IVNS1ABP: variants seen among roughly 807,000 people sequenced by gnomAD.
The protein encoded by IVNS1ABP is influenza virus NS1A-binding protein.
In IVNS1ABP, 25 loss-of-function variants were observed where a neutral mutation model predicts 78.9. That is an observed-to-expected ratio of 0.32 (90% confidence interval 0.23 to 0.44). The LOEUF (loss-of-function observed/expected upper bound fraction) is 0.44, where lower values mean the gene tolerates loss of function less well. IVNS1ABP is among the 20% of genes least tolerant of loss of function. The pLI, the probability that IVNS1ABP is intolerant of heterozygous loss-of-function variation, is 1.00. For missense variants in IVNS1ABP, 494 were observed against 768.9 expected (o/e 0.64, Z 4.23); for synonymous variants, 241 against 259.7 (o/e 0.93, Z 0.69).
chr1:185,300,824 G>A, intron 10 of IVNS1ABP, 148 bp downstream of exon 10: 1 of 698,632 alleles, frequency 1.4e-6, no homozygotes, highest in Non-Finnish European at 2.4e-6. Flanking sequence ...ACATTGAACT[G>A]AAGGTTAGCC....
In IVNS1ABP at chr1:185,298,344, C is replaced by T; in HGVS notation, c.1676-56G>A. The T allele has an allele frequency of 6.7e-7, 1 of 1,501,788 alleles. No individual in the cohort carries two copies. The highest frequency in any genetic ancestry group is 9.1e-7 in the Non-Finnish European group (1 of 1,097,640). 93.0% of individuals were successfully genotyped at this position (1,501,788 alleles called of 1,614,324 possible). A position where few individuals can be genotyped will look rare whatever the true frequency, so the allele number is the denominator to read the frequency against. On this transcript the variant is annotated intron_variant, in intron 14 of 14. Coordinates refer to ENST00000367498, the MANE Select transcript of IVNS1ABP (RefSeq NM_006469.5). This position sits in a 1 kb window ranked among gnomAD's most constrained non-coding sequence, Gnocchi z 4.1. ...GAGATTAAAGTGTAATAAGGTAAAACTCCCCTAAATCTGTCTTTTGCTTAA... is the reference window on the plus strand; with the variant it reads ...GAGATTAAAGTGTAATAAGGTAAAATTCCCCTAAATCTGTCTTTTGCTTAA...
In IVNS1ABP at chr1:185,298,150, C is replaced by T. The variant is rs1665471814; in HGVS notation, c.1814G>A (p.Gly605Glu). The part of the protein sequence containing the change: ...PRSNAGIATV[G>E]NTIYAVGGFD... Reference sequence around the variant, plus strand: ...TCCTCCCACTGCATAAATGGTGTTCCCTACAGTTGCAATCCCAGCATTGCT... The same window carrying T: ...TCCTCCCACTGCATAAATGGTGTTCTCTACAGTTGCAATCCCAGCATTGCT... The change falls in exon 15 of 15, where the codon GGG becomes GAG. Residue 605 changes from glycine (G) to glutamate (E), a missense_variant. Transcript: ENST00000367498. The surrounding 1 kb of genome is among the most constrained non-coding windows in gnomAD (Gnocchi z 4.1). 6.2e-7 allele frequency: 1 copy of T among 1,613,856 alleles called. No individual in the cohort carries two copies. The highest frequency in any genetic ancestry group is 8.5e-7 in the Non-Finnish European group (1 of 1,179,840).
Position 185,317,216 on chromosome 1 carries a change from C to T in IVNS1ABP, c.-510G>A, listed in dbSNP as rs1207106824. On this transcript the variant is annotated 5_prime_UTR_variant, in exon 1 of 15. Transcript: ENST00000367498. ...ACTGCGCCCAGCAGCTCTGAGCGAC[C>T]GACCTCCACGCGCGACCGGGAGACA... 3 of 398,298 alleles carry T rather than the reference C, an allele frequency of 7.5e-6. No homozygotes were observed. The highest frequency in any genetic ancestry group is 1.3e-5 in the Non-Finnish European group (3 of 225,954). 24.7% of individuals were successfully genotyped at this position (398,298 alleles called of 1,614,324 possible). A position where few individuals can be genotyped will look rare whatever the true frequency, so the allele number is the denominator to read the frequency against.
Position 185,297,952 on chromosome 1 carries a change from C to T in IVNS1ABP, c.*83G>A. ...TTGCTGTTAGCAACATCTATACCCA[C>T]CCACCCTCTTTATTCACAAGTGTAC... On this transcript the variant is annotated 3_prime_UTR_variant, in exon 15 of 15. Transcript: ENST00000367498. The T allele has an allele frequency of 7.3e-7, 1 of 1,370,020 alleles. No individual in the cohort carries two copies. Among genetic ancestry groups the T allele is most frequent in the Non-Finnish European group, 1.0e-6 (1 of 987,550 alleles). The allele number at this position is 1,370,020 out of a possible 1,614,324, so 84.9% of individuals were successfully genotyped here.
rs767695148 is a variant in IVNS1ABP, at chr1:185,299,849, A to G, written c.1536T>C (p.Gly512=). 1.2e-6 allele frequency: 2 copies of G among 1,613,764 alleles called. No individual in the cohort carries two copies. The highest frequency in any genetic ancestry group is 1.7e-6 in the Non-Finnish European group (2 of 1,179,828). The change falls in exon 14 of 15, where the codon GGT becomes GGC. Residue 512 remains glycine, a synonymous_variant. Coordinates refer to ENST00000367498, the MANE Select transcript of IVNS1ABP (RefSeq NM_006469.5). ...RHQSAVCELG[G]YLYIIGGAES... is the part of the protein sequence containing the mutation. ...CTGCACCTCCGATTATGTACAAATAACCACCAAGCTCACAGACTGCAGACT... is the reference window on the plus strand; with the variant it reads ...CTGCACCTCCGATTATGTACAAATAGCCACCAAGCTCACAGACTGCAGACT...
In IVNS1ABP at chr1:185,305,476, G is replaced by C; in HGVS notation, c.765+60C>G. ...CTTTATTAAAGGAAAATTTAAGTAT[G>C]CTATCAAATTCTCTAGTCAAATTTT... On this transcript the variant is annotated intron_variant, in intron 8 of 14. Transcript: ENST00000367498. The surrounding 1 kb of genome is among the most constrained non-coding windows in gnomAD (Gnocchi z 4.0). 6.3e-7 allele frequency: 1 copy of C among 1,580,390 alleles called. No homozygotes were observed. Among genetic ancestry groups the C allele is most frequent in the Non-Finnish European group, 8.6e-7 (1 of 1,158,292 alleles).
intron 2 of IVNS1ABP, 34 bp downstream of exon 2, chr1:185,311,061 T>G (rs981849901): frequency 2.8e-6 from 1 of 351,386 alleles, no homozygotes; most frequent in African/African-American, 2.1e-5. Context: ...ACAATGTGTC[T>G]TAATACTGGA....
intron 3 of IVNS1ABP, 44 bp downstream of exon 3, chr1:185,309,339 T>C (rs545298463): frequency 3.7e-6 from 5 of 1,368,308 alleles, no homozygotes; most frequent in South Asian, 2.6e-5. Context: ...TTATGGCTTT[T>C]AGTAATAAAA....
Position 185,305,745 on chromosome 1 carries a change from C to A in IVNS1ABP, c.658-102G>T. The A allele has an allele frequency of 8.1e-7, 1 of 1,237,498 alleles. No individual in the cohort carries two copies. Among genetic ancestry groups the A allele is most frequent in the South Asian group, 1.4e-5 (1 of 69,182 alleles). The allele number at this position is 1,237,498 out of a possible 1,614,324, so 76.7% of individuals were successfully genotyped here. A position where few individuals can be genotyped will look rare whatever the true frequency, so the allele number is the denominator to read the frequency against. ...CCTCAAGGTAACCTCCAGTGTGCTT[C>A]TTGAGCTTCTTGACATATTACTCTG... is the stretch of plus-strand genomic sequence containing the variant. On this transcript the variant is annotated intron_variant, in intron 7 of 14. Transcript: ENST00000367498. The surrounding 1 kb of genome is among the most constrained non-coding windows in gnomAD (Gnocchi z 4.0).
rs1558119665 is a variant in IVNS1ABP, at chr1:185,311,363, CAA to C, written c.-246-43_-246-42del. On this transcript the variant is annotated intron_variant, in intron 1 of 14. Coordinates refer to ENST00000367498, the MANE Select transcript of IVNS1ABP (RefSeq NM_006469.5). ...ATTTAAGTTAGATATTCAGAATAAT[CAA>C]AGACTGTCATTGATCTAGGTAGAGC... 3 of 395,230 alleles carry C rather than the reference CAA, an allele frequency of 7.6e-6. No homozygotes were observed. In the South Asian group the frequency reaches 3.9e-4, roughly 51 times the overall value. The allele number at this position is 395,230 out of a possible 1,614,324, so 24.5% of individuals were successfully genotyped here. A position where few individuals can be genotyped will look rare whatever the true frequency, so the allele number is the denominator to read the frequency against.
intron 8 of IVNS1ABP, among the ~76,000 whole-genome samples, chr1:185,304,023 G>A (rs180870716): frequency 1.5e-3 from 232 of 152,140 alleles, no homozygotes; most frequent in African/African-American, 5.4e-3. Context: ...AATTCCAAGA[G>A]TATCATCCTC....
Position 185,311,270 on chromosome 1 carries a change from G to A in IVNS1ABP, c.-194C>T, listed in dbSNP as rs1665879412. The A allele has an allele frequency of 5.0e-6, 2 of 397,780 alleles. No homozygotes were observed. Among genetic ancestry groups the A allele is most frequent in the Non-Finnish European group, 8.9e-6 (2 of 225,568 alleles). 24.6% of individuals were successfully genotyped at this position (397,780 alleles called of 1,614,324 possible). On this transcript the variant is annotated 5_prime_UTR_variant, in exon 2 of 15. Transcript: ENST00000367498. ...TCAGGCTTGAAAATGATGTAATCAA[G>A]TCCTTAAAAGCTATAGACACGAATT... is the stretch of plus-strand genomic sequence containing the variant.
intron 2 of IVNS1ABP, among the ~76,000 whole-genome samples, chr1:185,310,368 G>A (rs1336730201): frequency 1.2e-4 from 18 of 152,188 alleles, no homozygotes; most frequent in Non-Finnish European, 8.8e-5. Flanking sequence ...AGCACTTTGG[G>A]AGGCCGAGAC....
chr1:185,300,937 T>TA, intron 10 of IVNS1ABP, 35 bp downstream of exon 10: 1 of 1,555,280 alleles, frequency 6.4e-7, no homozygotes, highest in South Asian at 1.1e-5. Flanking sequence ...AATGCCCATC[T>TA]ACATGCTTAG....
chr1:185,308,761 A>G, intron 5 of IVNS1ABP, 39 bp downstream of exon 5: 1 of 1,430,808 alleles, frequency 7.0e-7, no homozygotes. Context: ...ACACAAAATA[A>G]GACTCCATAA....
At chr1:185,302,042 C>G (rs1487194084) in intron 8 of IVNS1ABP, among the ~76,000 whole-genome samples, 2 of 152,098 alleles carry the variant, frequency 1.3e-5, no homozygotes, top group Non-Finnish European at 2.9e-5. Context: ...TAGATTCATC[C>G]AGTTTCTCTG....
In IVNS1ABP at chr1:185,301,884, A is replaced by G. The variant is rs147353549; in HGVS notation, c.766-321T>C. On this transcript the variant is annotated intron_variant, in intron 8 of 14. Transcript: ENST00000367498. The stretch of plus-strand genomic sequence containing the variant: ...CTATAATTATTTTTATATTAAGTAT[A>G]GAATCTTTTAAAAGAATGCTATAAA... 4.1e-4 allele frequency among the ~76,000 whole-genome samples: 63 copies of G among 152,322 alleles called. 1 individual carries two copies. Among genetic ancestry groups the G allele is most frequent in the African/African-American group, 1.4e-3 (58 of 41,586 alleles).
At chr1:185,312,531 A>G (rs1265089224) in intron 1 of IVNS1ABP, among the ~76,000 whole-genome samples, 2 of 152,182 alleles carry the variant, frequency 1.3e-5, no homozygotes, top group Admixed American at 6.5e-5. Context: ...CAACAAACCT[A>G]CTATGTTTAG....
At position 185,300,199 on chromosome 1, in the gene IVNS1ABP, G is replaced by A. The variant is rs1245369308; in HGVS notation, c.1369+18C>T. The A allele has an allele frequency of 6.2e-7, 1 of 1,611,218 alleles. No homozygotes were observed. Among genetic ancestry groups the A allele is most frequent in the East Asian group, 2.2e-5 (1 of 44,792 alleles). On this transcript the variant is annotated intron_variant, in intron 12 of 14. Coordinates refer to ENST00000367498, the MANE Select transcript of IVNS1ABP (RefSeq NM_006469.5). ...TCATATTTAAATACTGGATATCTCA[G>A]GAGAAAACTATTATTACCTGCATTA... is the stretch of plus-strand genomic sequence containing the variant.
Sources: gnomAD v4.1 joint callset for allele counts (sites outside exome capture counted in the v4.1 genomes callset) on GRCh38, gnomAD v4.1.1 for gene constraint, Gnocchi (gnomAD v3.1) non-coding constraint, MANE v1.5 for transcripts, NCBI Gene and HGNC (gene_info 2026-07-23, HGNC 2026-07-21) for gene names.